The following ENDOV variants were observed in gnomAD, a reference collection of about 807,000 sequenced individuals.
ENDOV encodes the protein hEndoV.
Under a neutral mutation model 39.4 loss-of-function variants are expected in ENDOV, and 37 were observed. That is an observed-to-expected ratio of 0.94 (90% confidence interval 0.72 to 1.23). The LOEUF (loss-of-function observed/expected upper bound fraction) is 1.23. ENDOV is among the 50% of genes most tolerant of loss of function. The pLI is 0.00. For synonymous variants in ENDOV, 186 were observed against 163.4 expected (o/e 1.14, Z -1.05); for missense variants, 441 against 375.7 (o/e 1.17, Z -1.44).
At chr17:80,424,385 G>A (rs1268999509) in intron 5 of ENDOV, 5 of 399,370 alleles carry the variant, frequency 1.3e-5, no homozygotes, top group Non-Finnish European at 1.8e-5. Flanking sequence ...GAAGCCACAG[G>A]AAGGAAGCGG....
At chr17:80,424,478 G>C (rs2082439211) in intron 5 of ENDOV, 1 of 397,804 alleles carries the variant, frequency 2.5e-6, no homozygotes, top group South Asian at 1.3e-4. Context: ...TGTTGCCCTT[G>C]TTCTAAGCCC....
At chr17:80,420,523 A>C (rs185918380) in intron 2 of ENDOV, 1 of 152,008 alleles carries the variant, frequency 6.6e-6, no homozygotes, top group South Asian at 2.1e-4. Context: ...AATACAGAGC[A>C]CTCCGTCTGC....
chr17:80,428,593 C>T lies in ENDOV; in HGVS notation c.715-3C>T, dbSNP rs371966063. On this transcript the variant is annotated splice_polypyrimidine_tract_variant and splice_region_variant and intron_variant, in intron 7 of 9. Coordinates refer to ENST00000518137, the MANE Select transcript of ENDOV (RefSeq NM_173627.5). ...CACCCAGCAGCACGTCTGTCTCCCC[C>T]AGGCTGACATCTGCTCCCGAGAGCA... The T allele has an allele frequency of 1.8e-5, 28 of 1,579,184 alleles. No homozygotes were observed. The East Asian group carries it at 1.9e-4, about 11-fold the overall frequency.
At chr17:80,430,277 G>T in intron 9 of ENDOV, 1 of 1,489,986 alleles carries the variant, frequency 6.7e-7, no homozygotes. Flanking sequence ...GCTGCAGCCT[G>T]CACGACCCCT....
chr17:80,423,890 G>A (rs1013445036), intron 5 of ENDOV: 2 of 515,684 alleles, frequency 3.9e-6, no homozygotes, highest in Non-Finnish European at 6.9e-6. Flanking sequence ...GAGCCACCGT[G>A]GCACACCAAG....
At chr17:80,418,653 C>T (rs2081522681) in intron 2 of ENDOV, 1 of 152,158 alleles carries the variant, frequency 6.6e-6, no homozygotes, top group Non-Finnish European at 1.5e-5. Context: ...ATTCCGTAGG[C>T]ACATCCACAG....
chr17:80,423,164 C>T (rs1430925329), intron 4 of ENDOV, among the ~76,000 whole-genome samples: 1 of 152,214 alleles, frequency 6.6e-6, no homozygotes, highest in African/African-American at 2.4e-5. Context: ...TTGTCATGTG[C>T]CGACCCACAT....
rs1166155409 is a variant in ENDOV, at chr17:80,415,245, G to T, written c.51G>T (p.Trp17Cys). 1 of 1,613,514 alleles carries T rather than the reference G, an allele frequency of 6.2e-7. No individual in the cohort carries two copies. The highest frequency in any genetic ancestry group is 8.5e-7 in the Non-Finnish European group (1 of 1,179,734). ...GGPPEETLSL[W>C]KREQARLKAH... The stretch of plus-strand genomic sequence containing the variant: ...CGCCGGAGGAAACGCTGTCACTGTG[G>T]AAACGGTAATGCTGTCAGGCGACGC... The change falls in exon 1 of 10, where the codon TGG becomes TGT. Residue 17 changes from tryptophan to cysteine, a missense_variant. Transcript: ENST00000518137.
Position 80,421,814 on chromosome 17 carries a change from G to A in ENDOV, c.229-14G>A, listed in dbSNP as rs1017445575. 10 of 1,588,498 alleles carry A rather than the reference G, an allele frequency of 6.3e-6. No individual in the cohort carries two copies. The highest frequency in any genetic ancestry group is 2.7e-5 in the African/African-American group (2 of 74,442). On this transcript the variant is annotated splice_polypyrimidine_tract_variant and intron_variant, in intron 2 of 9. Transcript: ENST00000518137. The stretch of plus-strand genomic sequence containing the variant: ...AAGGCTGTGCTTCCCACTGAGCTGC[G>A]TGCCTGGTGTCAGGTGGTGTATGAG...
chr17:80,424,992 G>A (rs2082508871), intron 5 of ENDOV, 40 bp from the exon 6 acceptor site: 2 of 1,559,438 alleles, frequency 1.3e-6, no homozygotes, highest in Non-Finnish European at 1.8e-6. Flanking sequence ...TCACCAAGAA[G>A]AGAGGGGTTT....
intron 4 of ENDOV, among the ~76,000 whole-genome samples, chr17:80,422,802 C>T (rs1178211742): frequency 6.6e-6 from 1 of 152,168 alleles, no homozygotes; most frequent in Non-Finnish European, 1.5e-5. Flanking sequence ...CGGGTTCATG[C>T]CACTCTCCTG....
At chr17:80,421,378 ATCC>A (rs1342027307) in intron 2 of ENDOV, among the ~76,000 whole-genome samples, 1 of 149,692 alleles carries the variant, frequency 6.7e-6, no homozygotes, top group Non-Finnish European at 1.5e-5. Flanking sequence ...ATACCAGGGA[ATCC>A]TCCTATGGAC....
intron 4 of ENDOV, among the ~76,000 whole-genome samples, 169 bp from the exon 5 acceptor site, chr17:80,423,351 G>T (rs2082298147): frequency 6.6e-6 from 1 of 152,252 alleles, no homozygotes. Context: ...GGGCACAGGG[G>T]GCTTTCGCCC....
At chr17:80,418,692 A>C (rs2081528597) in intron 2 of ENDOV, 2 of 151,942 alleles carry the variant, frequency 1.3e-5, no homozygotes, top group South Asian at 4.2e-4. Context: ...TGGGCCTTGG[A>C]GTTGGGGTGG....
In ENDOV at chr17:80,436,563, T is replaced by C. The variant is rs1162449130; in HGVS notation, c.*420T>C. 3.2e-6 allele frequency: 1 copy of C among 309,996 alleles called. No homozygotes were observed. The highest frequency in any genetic ancestry group is 6.0e-6 in the Non-Finnish European group (1 of 167,276). The allele number at this position is 309,996 out of a possible 1,614,324, so 19.2% of individuals were successfully genotyped here. ...TCTTCTGTGAATATGAGGTGTTACA[T>C]TGATTGATTTTCATATGTTGAGCCA... On this transcript the variant is annotated 3_prime_UTR_variant, in exon 10 of 10. Coordinates refer to ENST00000518137, the MANE Select transcript of ENDOV (RefSeq NM_173627.5).
At chr17:80,425,431 T>A in intron 6 of ENDOV, 61 bp from the exon 7 acceptor site, 4 of 1,535,162 alleles carry the variant, frequency 2.6e-6, no homozygotes, top group Non-Finnish European at 3.5e-6. Context: ...CTGCTGAGGC[T>A]GTCCTGACCC....
chr17:80,432,383 T>C (rs1379124055), intron 9 of ENDOV, among the ~76,000 whole-genome samples: 1 of 151,978 alleles, frequency 6.6e-6, no homozygotes, highest in African/African-American at 2.4e-5. Flanking sequence ...CCAGCACCCC[T>C]GTGGAGTCCT....
intron 4 of ENDOV, among the ~76,000 whole-genome samples, 152 bp downstream of exon 4, chr17:80,422,397 A>G (rs1468492441): frequency 3.3e-5 from 5 of 150,674 alleles, no homozygotes; most frequent in South Asian, 4.1e-4. Flanking sequence ...GGGGACGCGC[A>G]GTGCGCTCAG....
intron 2 of ENDOV, among the ~76,000 whole-genome samples, 177 bp from the exon 3 acceptor site, chr17:80,421,651 G>A (rs2082048838): frequency 6.6e-6 from 1 of 152,124 alleles, no homozygotes; most frequent in Non-Finnish European, 1.5e-5. Context: ...AATTTGCAGG[G>A]TACATCTTCT....
Sources: gnomAD v4.1 joint callset for allele counts (sites outside exome capture counted in the v4.1 genomes callset) on GRCh38, gnomAD v4.1.1 for gene constraint, MANE v1.5 for transcripts, NCBI Gene and HGNC (gene_info 2026-07-23, HGNC 2026-07-21) for gene names.